The following S1PR5 variants were observed in gnomAD, a reference collection of about 807,000 sequenced individuals.
The protein encoded by S1PR5 is sphingosine 1-phosphate receptor 5.
For synonymous variants in S1PR5, 307 were observed against 284.7 expected (o/e 1.08, Z -0.79); for missense variants, 583 against 571.7 (o/e 1.02, Z -0.20).
rs777500457 is a variant in S1PR5, at chr19:10,514,937, G to A, written c.75C>T (p.Leu25=). The A allele has an allele frequency of 1.9e-6, 3 of 1,607,656 alleles. No individual in the cohort carries two copies. The highest frequency in any genetic ancestry group is 2.5e-6 in the Non-Finnish European group (3 of 1,178,580). ...CACCCGGCTGGTAGCGCGCACCGCG[G>A]AGCTTGCCGGTGTAGTTGTAATGCA... ...IVLHYNYTGK[L]RGARYQPGAG... Residue 25 remains leucine, a synonymous_variant, in exon 2 of 2, where the codon CTC becomes CTT. Transcript: ENST00000333430.
At position 10,514,416 on chromosome 19, in the gene S1PR5, A is replaced by G; in HGVS notation, c.596T>C (p.Leu199Pro). ...YAKAYVLFCV[L>P]AFVGILAAIC... is the part of the protein sequence containing the mutation. Reference sequence around the variant, plus strand: ...AGCGGCCAGGATGCCCACGAAGGCGAGCACGCAGAAGAGCACGTAGGCCTT... The same window carrying G: ...AGCGGCCAGGATGCCCACGAAGGCGGGCACGCAGAAGAGCACGTAGGCCTT... The change falls in exon 2 of 2, where the codon CTC (leucine) becomes CCC (proline). Residue 199 changes from leucine to proline, a missense_variant. Physicochemically the swap from Leu to Pro is moderately conservative, Grantham distance 98. Coordinates refer to ENST00000333430, the MANE Select transcript of S1PR5 (RefSeq NM_030760.5). The G allele has an allele frequency of 6.2e-7, 1 of 1,609,500 alleles. No individual in the cohort carries two copies. Among genetic ancestry groups the G allele is most frequent in the Non-Finnish European group, 8.5e-7 (1 of 1,178,354 alleles).
chr19:10,516,044 A>T (rs1044692767), intron 1 of S1PR5, among the ~76,000 whole-genome samples: 1 of 152,130 alleles, frequency 6.6e-6, no homozygotes, highest in African/African-American at 2.4e-5. Flanking sequence ...ACAGCGACAC[A>T]CTACAAGGGC....
In S1PR5 at chr19:10,514,714, T is replaced by G. The variant is rs1325799176; in HGVS notation, c.298A>C (p.Thr100Pro). The change falls in exon 2 of 2, where the codon ACG (threonine) becomes CCG (proline). Residue 100 changes from threonine (T) to proline (P), a missense_variant. Coordinates refer to ENST00000333430, the MANE Select transcript of S1PR5 (RefSeq NM_030760.5). ...CAGAGCGCGGGGGACAGTTTCAGCGTGAGCGGCCCCGACAGTAGGATGTTG... is the reference window on the plus strand; with the variant it reads ...CAGAGCGCGGGGGACAGTTTCAGCGGGAGCGGCCCCGACAGTAGGATGTTG... Reference protein sequence around the residue: ...AANILLSGPLTLKLSPALWFA... With the variant: ...AANILLSGPLPLKLSPALWFA... 6.2e-7 allele frequency: 1 copy of G among 1,611,030 alleles called. No individual in the cohort carries two copies. Among genetic ancestry groups the G allele is most frequent in the Admixed American group, 1.7e-5 (1 of 59,708 alleles).
In S1PR5 at chr19:10,515,124, A is replaced by C. The variant is rs982896203; in HGVS notation, c.-18-95T>G. 7 of 1,463,688 alleles carry C rather than the reference A, an allele frequency of 4.8e-6. No individual in the cohort carries two copies. In the African/African-American group the frequency reaches 9.9e-5, roughly 21 times the overall value. The allele number at this position is 1,463,688 out of a possible 1,614,324, so 90.7% of individuals were successfully genotyped here. On this transcript the variant is annotated intron_variant, in intron 1 of 1. Transcript: ENST00000333430. ...CGTGGGAAAGGGGCCCTACCCACTG[A>C]CCATCACCCCCTATACATGGTGTCC...
Position 10,514,314 on chromosome 19 carries a change from G to A in S1PR5, c.698C>T (p.Ala233Val). 6.4e-7 allele frequency: 1 copy of A among 1,565,752 alleles called. No homozygotes were observed. The highest frequency in any genetic ancestry group is 8.6e-7 in the Non-Finnish European group (1 of 1,156,122). The stretch of plus-strand genomic sequence containing the variant: ...ACGCGCCCGGGTCGAGGTGGTCCCC[G>A]CAGTCCCGGGCCGTGCCGGCAGGCG... ...ARRLPARPGT[A>V]GTTSTRARRK... is the part of the protein sequence containing the mutation. The change falls in exon 2 of 2, where the codon GCG becomes GTG. Residue 233 changes from alanine to valine, a missense_variant. Ala to Val is a moderately conservative substitution (Grantham distance 64, BLOSUM62 0). Coordinates refer to ENST00000333430, the MANE Select transcript of S1PR5 (RefSeq NM_030760.5).
intron 1 of S1PR5, among the ~76,000 whole-genome samples, chr19:10,516,008 A>G (rs542476717): frequency 1.3e-5 from 2 of 152,250 alleles, no homozygotes; most frequent in South Asian, 4.1e-4. Context: ...CACAAACGCA[A>G]CACACACAGA....
In S1PR5 at chr19:10,517,302, G is replaced by A; in HGVS notation, c.-19+96C>T. On this transcript the variant is annotated intron_variant, in intron 1 of 1. Transcript: ENST00000333430. ...TTCGGAGAACTCCCTGCAAGGAGTG[G>A]TGCGCCTTTTTAGACCGGGAAAGTG... 4 of 895,630 alleles carry A rather than the reference G, an allele frequency of 4.5e-6. No homozygotes were observed. The South Asian group carries it at 2.0e-4, about 46-fold the overall frequency. 55.5% of individuals were successfully genotyped at this position (895,630 alleles called of 1,614,324 possible).
In S1PR5 at chr19:10,517,339, G is replaced by C. The variant is rs940348505; in HGVS notation, c.-19+59C>G. ...AGACCGGGAAAGTGGCCGCCAGGGC[G>C]ACCCCCTCCGGGTCAGGCCCAGCCC... On this transcript the variant is annotated intron_variant, in intron 1 of 1. Transcript: ENST00000333430. 66 of 978,846 alleles carry C rather than the reference G, an allele frequency of 6.7e-5. No homozygotes were observed. The African/African-American group carries it at 1.1e-3, about 16-fold the overall frequency. 60.6% of individuals were successfully genotyped at this position (978,846 alleles called of 1,614,324 possible). A position where few individuals can be genotyped will look rare whatever the true frequency, so the allele number is the denominator to read the frequency against.
intron 1 of S1PR5, among the ~76,000 whole-genome samples, chr19:10,516,562 G>A (rs564435592): frequency 8.3e-4 from 116 of 139,850 alleles, no homozygotes; most frequent in Admixed American, 1.6e-3. Context: ...AGCCATGATC[G>A]CACCCCTGCT....
At chr19:10,517,210 T>C in intron 1 of S1PR5, 188 bp downstream of exon 1, 1 of 214,372 alleles carries the variant, frequency 4.7e-6, no homozygotes, top group Non-Finnish European at 8.0e-6. Flanking sequence ...CTTCACCCCG[T>C]ATCCCAGGTC....
chr19:10,517,659 T>C, upstream of S1PR5: 1 of 985,342 alleles, frequency 1.0e-6, no homozygotes, highest in Non-Finnish European at 1.2e-6. Flanking sequence ...CCTCCGGGCC[T>C]GGGCTGTCCT....
rs944074207 is a variant in S1PR5 at position 10,515,469 on chromosome 19, C to T, written c.-18-440G>A. Among the ~76,000 whole-genome samples, 11 of 152,212 alleles carry T rather than the reference C, an allele frequency of 7.2e-5. 1 individual carries two copies. In the South Asian group the frequency reaches 1.7e-3, roughly 23 times the overall value. ...TCTGCTAAAAACACAAAAAATTAGC[C>T]AGGCATGGTGGCACGTGCCTGTAGT... On this transcript the variant is annotated intron_variant, in intron 1 of 1. Coordinates refer to ENST00000333430, the MANE Select transcript of S1PR5 (RefSeq NM_030760.5).
chr19:10,517,649 C>T, upstream of S1PR5: 1 of 985,426 alleles, frequency 1.0e-6, no homozygotes, highest in Non-Finnish European at 1.2e-6. Flanking sequence ...TCAGCTGCCC[C>T]CTCCGGGCCT....
chr19:10,513,889 T>C lies in S1PR5; in HGVS notation c.1123A>G (p.Thr375Ala). The change falls in exon 2 of 2, where the codon ACC becomes GCC. Residue 375 changes from threonine (T) to alanine (A), a missense_variant. Thr to Ala is a moderately conservative substitution (Grantham distance 58, BLOSUM62 0). Transcript: ENST00000333430. The part of the protein sequence containing the change: ...RSSPQRDGLD[T>A]SGSTGSPGAP... The stretch of plus-strand genomic sequence containing the variant: ...CCGGGGCTGCCTGTGGAGCCGCTGG[T>C]GTCCAGCCCGTCGCGCTGGGGCGAT... The C allele has an allele frequency of 6.2e-7, 1 of 1,610,980 alleles. No homozygotes were observed. Among genetic ancestry groups the C allele is most frequent in the Non-Finnish European group, 8.5e-7 (1 of 1,179,436 alleles).
At position 10,513,989 on chromosome 19, in the gene S1PR5, C is replaced by T. The variant is rs1915351983; in HGVS notation, c.1023G>A (p.Ala341=). 4 of 1,601,310 alleles carry T rather than the reference C, an allele frequency of 2.5e-6. No homozygotes were observed. The highest frequency in any genetic ancestry group is 3.4e-6 in the Non-Finnish European group (4 of 1,175,202). ...DPSGSQQSAS[A]AEASGGLRRC... Reference sequence around the variant, plus strand: ...GGCGCAGGCCCCCGGAAGCCTCAGCCGCGCTCGCCGACTGCTGGGAGCCAC... The same window carrying T: ...GGCGCAGGCCCCCGGAAGCCTCAGCTGCGCTCGCCGACTGCTGGGAGCCAC... The change falls in exon 2 of 2, where the codon GCG becomes GCA. Residue 341 remains alanine (A), a synonymous_variant. Transcript: ENST00000333430.
At position 10,515,018 on chromosome 19, in the gene S1PR5, CGCGCCCCAAGGCTG is replaced by C. The variant is rs1464537284; in HGVS notation, c.-18-3_-8del. The C allele has an allele frequency of 6.5e-7, 1 of 1,546,656 alleles. No individual in the cohort carries two copies. Among genetic ancestry groups the C allele is most frequent in the Non-Finnish European group, 8.7e-7 (1 of 1,153,020 alleles). On this transcript the variant is annotated splice_acceptor_variant and splice_polypyrimidine_tract_variant and 5_prime_UTR_variant and intron_variant, in exon 2 of 2. Coordinates refer to ENST00000333430, the MANE Select transcript of S1PR5 (RefSeq NM_030760.5). LOFTEE classifies it low-confidence loss of function (5UTR_SPLICE). ...GCAGCAGCCCCGACTCCATGGGCCG[CGCGCCCCAAGGCTG>C]TTGGAGAGGCAAGATACGGTGTCAG...
rs756472961 is a variant in S1PR5, at chr19:10,514,560, G to T, written c.452C>A (p.Thr151Lys). 3 of 1,577,862 alleles carry T rather than the reference G, an allele frequency of 1.9e-6. No homozygotes were observed. The highest frequency in any genetic ancestry group is 1.1e-5 in the South Asian group (1 of 87,308). The change falls in exon 2 of 2, where the codon ACG becomes AAG. Residue 151 changes from threonine (T) to lysine (K), a missense_variant. Transcript: ENST00000333430. ...GPAPVSSRGR[T>K]LAMAAAAWGV... ...CCAGGCCGCGGCTGCCATCGCCAGCGTGCGCCCCCGACTGGAGACGGGCGC... is the reference window on the plus strand; with the variant it reads ...CCAGGCCGCGGCTGCCATCGCCAGCTTGCGCCCCCGACTGGAGACGGGCGC...
chr19:10,513,760 T>C lies in S1PR5; in HGVS notation c.*55A>G. ...TGGCTGCATTTCCTACAAATTCCTT[T>C]ATGTAAAAAGAACAAGTCTGTAAAA... is the stretch of plus-strand genomic sequence containing the variant. On this transcript the variant is annotated 3_prime_UTR_variant, in exon 2 of 2. Transcript: ENST00000333430. 6.3e-7 allele frequency: 1 copy of C among 1,577,414 alleles called. No homozygotes were observed. The highest frequency in any genetic ancestry group is 8.6e-7 in the Non-Finnish European group (1 of 1,163,774).
chr19:10,514,014 C>T lies in S1PR5; in HGVS notation c.998G>A (p.Ser333Asn). 1 of 1,608,832 alleles carries T rather than the reference C, an allele frequency of 6.2e-7. No individual in the cohort carries two copies. Among genetic ancestry groups the T allele is most frequent in the Non-Finnish European group, 8.5e-7 (1 of 1,178,638 alleles). ...CGCGCTCGCCGACTGCTGGGAGCCA[C>T]TCGGGTCTCTGCCGCAGGAGTGGCG... ...CGRHSCGRDP[S>N]GSQQSASAAE... Residue 333 changes from serine to asparagine, a missense_variant, in exon 2 of 2, where the codon AGT (serine) becomes AAT (asparagine). Coordinates refer to ENST00000333430, the MANE Select transcript of S1PR5 (RefSeq NM_030760.5).
Sources: allele counts gnomAD v4.1 joint callset (sites outside exome capture counted in the v4.1 genomes callset), GRCh38; gene constraint gnomAD v4.1.1; transcripts MANE v1.5; gene names NCBI Gene and HGNC (gene_info 2026-07-23, HGNC 2026-07-21).